The following PREPL variants were observed in gnomAD, a reference collection of about 807,000 sequenced individuals.
The protein encoded by PREPL is prolyl endopeptidase-like.
PREPL carries 77 observed loss-of-function variants against 70.6 expected under a neutral mutation model. That is an observed-to-expected ratio of 1.09 (90% CI 0.91 to 1.32). The LOEUF (loss-of-function observed/expected upper bound fraction) is 1.32, where lower values mean the gene tolerates loss of function less well. Among genes scored for constraint, PREPL ranks in the 40% most tolerant of loss-of-function variants. The pLI is 0.00. For missense variants in PREPL, 1,002 were observed against 778.2 expected, an observed-to-expected ratio of 1.29 and a Z score of -3.42; for synonymous variants, 315 against 264.8, an observed-to-expected ratio of 1.19 and a Z score of -1.84.
In PREPL at chr2:44,321,326, T is replaced by G; in HGVS notation, c.*30A>C. ...AGTAAGACTATGAAATATTTCAGTGTGTTTCCAATTCCCAGTTGAATGCAG... is the reference window on the plus strand; with the variant it reads ...AGTAAGACTATGAAATATTTCAGTGGGTTTCCAATTCCCAGTTGAATGCAG... On this transcript the variant is annotated 3_prime_UTR_variant, in exon 14 of 14. Coordinates refer to ENST00000409411, the MANE Select transcript of PREPL (RefSeq NM_001171613.2). The G allele has an allele frequency of 6.6e-7, 1 of 1,521,164 alleles. No homozygotes were observed. Among genetic ancestry groups the G allele is most frequent in the Non-Finnish European group, 9.1e-7 (1 of 1,099,400 alleles). 94.2% of individuals were successfully genotyped at this position (1,521,164 alleles called of 1,614,324 possible). A position where few individuals can be genotyped will look rare whatever the true frequency, so the allele number is the denominator to read the frequency against.
chr2:44,346,258 G>A lies in PREPL; in HGVS notation c.75+10C>T, dbSNP rs1462201080. The A allele has an allele frequency of 6.2e-7, 1 of 1,603,372 alleles. No homozygotes were observed. Among genetic ancestry groups the A allele is most frequent in the African/African-American group, 1.3e-5 (1 of 74,264 alleles). ...CAAAAATTTTTTTTTAAAGACATGA[G>A]ATATCTTACTTCCACATTGATGATT... On this transcript the variant is annotated intron_variant, in intron 2 of 13. Transcript: ENST00000409411.
At chr2:44,332,893 T>G (rs1674263821) in intron 7 of PREPL, among the ~76,000 whole-genome samples, 1 of 152,228 alleles carries the variant, frequency 6.6e-6, no homozygotes, top group African/African-American at 2.4e-5. Context: ...TTTATCATGA[T>G]TCTAGCTTTA....
chr2:44,323,782 T>C (rs184226189), intron 10 of PREPL, among the ~76,000 whole-genome samples: 1 of 152,282 alleles, frequency 6.6e-6, no homozygotes, highest in East Asian at 1.9e-4. Context: ...ACAACAAGTA[T>C]TGGCAGTAAT....
In PREPL at chr2:44,329,206, C is replaced by A. The variant is rs116405081; in HGVS notation, c.1087-94G>T. On this transcript the variant is annotated intron_variant, in intron 8 of 13. Transcript: ENST00000409411. ...AATACATTGAGGTGCACTGTCCCCA[C>A]TTGTGTGCTACCTACTGATGTTGAG... 9.2e-4 allele frequency: 928 copies of A among 1,005,450 alleles called. 5 individuals are homozygous for A. In the African/African-American group the frequency reaches 0.011, roughly 12 times the overall value. The allele number at this position is 1,005,450 out of a possible 1,614,324, so 62.3% of individuals were successfully genotyped here.
At chr2:44,327,005 G>T in intron 9 of PREPL, 77 bp from the exon 10 acceptor site, 1 of 1,247,280 alleles carries the variant, frequency 8.0e-7, no homozygotes, top group Non-Finnish European at 1.1e-6. Context: ...AACTACACCT[G>T]GAGGCCTGTT....
chr2:44,328,868 A>AT, intron 9 of PREPL, 69 bp downstream of exon 9: 3 of 1,396,218 alleles, frequency 2.1e-6, no homozygotes, highest in South Asian at 3.0e-5. Flanking sequence ...TCCCTGATAT[A>AT]TATTGTTATT....
chr2:44,332,678 T>C, intron 7 of PREPL, 22 bp from the exon 8 acceptor site: 4 of 1,561,062 alleles, frequency 2.6e-6, no homozygotes, highest in Non-Finnish European at 3.5e-6. Flanking sequence ...CAACAGCTAT[T>C]TTTATTCTTT....
chr2:44,350,906 C>T (rs1676349750), intron 1 of PREPL, among the ~76,000 whole-genome samples: 1 of 151,966 alleles, frequency 6.6e-6, no homozygotes, highest in African/African-American at 2.4e-5. Flanking sequence ...TTGTTTTCCT[C>T]TTACTTCACT....
chr2:44,330,828 G>A (rs73924945), intron 8 of PREPL, among the ~76,000 whole-genome samples: 2,653 of 152,192 alleles, frequency 0.017, 85 homozygotes, highest in African/African-American at 0.06. Context: ...TCTGTATATT[G>A]AGTATACCTG....
intron 7 of PREPL, among the ~76,000 whole-genome samples, 165 bp downstream of exon 7, chr2:44,338,186 A>C (rs1674831715): frequency 6.6e-6 from 1 of 152,238 alleles, no homozygotes; most frequent in African/African-American, 2.4e-5. Flanking sequence ...AGTAATTCTA[A>C]GATAACCCTC....
chr2:44,348,260 A>AT (rs1469778623), intron 1 of PREPL, among the ~76,000 whole-genome samples: 2 of 152,108 alleles, frequency 1.3e-5, no homozygotes, highest in African/African-American at 4.8e-5. Context: ...TTTTTCATTC[A>AT]TTTTTAAAGC....
intron 1 of PREPL, among the ~76,000 whole-genome samples, chr2:44,358,067 T>C (rs112297940): frequency 0.025 from 3,797 of 152,228 alleles, 179 homozygotes; most frequent in African/African-American, 0.087. Context: ...TCAGCTAAGA[T>C]AGCGGCAAAA....
chr2:44,361,853 T>G, upstream of PREPL: 1 of 1,306,232 alleles, frequency 7.7e-7, no homozygotes, highest in Non-Finnish European at 9.8e-7. Flanking sequence ...GAGATGCGAG[T>G]ACCGGAAATG....
At chr2:44,343,458 C>G (rs928229454) in intron 4 of PREPL, among the ~76,000 whole-genome samples, 1 of 152,020 alleles carries the variant, frequency 6.6e-6, no homozygotes, top group Non-Finnish European at 1.5e-5. Context: ...AAAATTTATT[C>G]TAGATAATAA....
Position 44,332,404 on chromosome 2 carries a change from G to T in PREPL, c.1086+55C>A, listed in dbSNP as rs1410046119. ...AACTCCAACAACTGCATGGCATCTG[G>T]CAAACGGTATGCTTTCAGTAAATGG... is the stretch of plus-strand genomic sequence containing the variant. On this transcript the variant is annotated intron_variant, in intron 8 of 13. Coordinates refer to ENST00000409411, the MANE Select transcript of PREPL (RefSeq NM_001171613.2). 4.8e-6 allele frequency: 7 copies of T among 1,466,616 alleles called. No homozygotes were observed. In the Admixed American group the frequency reaches 1.0e-4, roughly 22 times the overall value. The allele number at this position is 1,466,616 out of a possible 1,614,324, so 90.9% of individuals were successfully genotyped here.
intron 8 of PREPL, among the ~76,000 whole-genome samples, chr2:44,331,072 A>G (rs571221258): frequency 8.6e-4 from 131 of 152,242 alleles, no homozygotes; most frequent in African/African-American, 3.0e-3. Flanking sequence ...GTTCCCAAGA[A>G]GCAGGGACTA....
intron 2 of PREPL, 108 bp from the exon 3 acceptor site, chr2:44,344,694 G>C (rs539785313): frequency 3.7e-5 from 27 of 738,068 alleles, no homozygotes; most frequent in Middle Eastern, 6.4e-4. Context: ...AAACAGACCT[G>C]TTGAAGTATA....
intron 1 of PREPL, among the ~76,000 whole-genome samples, chr2:44,349,011 C>G (rs1184646837): frequency 6.6e-6 from 1 of 152,090 alleles, no homozygotes; most frequent in Non-Finnish European, 1.5e-5. Context: ...GATGGCTTTA[C>G]CTTCAGATTT....
chr2:44,335,946 G>T (rs572403553), intron 7 of PREPL, among the ~76,000 whole-genome samples: 1 of 151,984 alleles, frequency 6.6e-6, no homozygotes, highest in East Asian at 1.9e-4. Context: ...ACAAGCATAT[G>T]AAAAAAATGC....
Sources: allele counts gnomAD v4.1 joint callset (sites outside exome capture counted in the v4.1 genomes callset), GRCh38; gene constraint gnomAD v4.1.1; transcripts MANE v1.5; gene names NCBI Gene and HGNC (gene_info 2026-07-23, HGNC 2026-07-21).